Variants in RAPGEF5 observed in about 807,000 individuals in gnomAD.
The protein encoded by RAPGEF5 is Rap guanine nucleotide exchange factor 5.
In RAPGEF5, 65 loss-of-function variants were observed where a neutral mutation model predicts 125.2. That is an observed-to-expected ratio of 0.52 (90% CI 0.43 to 0.64). The LOEUF (loss-of-function observed/expected upper bound fraction) is 0.64, where lower values mean the gene tolerates loss of function less well. RAPGEF5 is among the 30% of genes least tolerant of loss of function. The probability of loss-of-function intolerance (pLI) is 0.00; values close to 1 mark genes in which losing one functional copy is unlikely to be tolerated. For synonymous variants in RAPGEF5, 391 were observed against 385.9 expected (o/e 1.01, Z -0.16); for missense variants, 958 against 1,048.1 (o/e 0.91, Z 1.19).
At chr7:22,169,645 A>G (rs1784280804) in intron 11 of RAPGEF5, among the ~76,000 whole-genome samples, 1 of 150,522 alleles carries the variant, frequency 6.6e-6, no homozygotes, top group Non-Finnish European at 1.5e-5. Flanking sequence ...GCTTGAGGCC[A>G]GGAGCTAGAG....
At chr7:22,128,025 G>A (rs2128098615) in intron 24 of RAPGEF5, among the ~76,000 whole-genome samples, 1 of 152,178 alleles carries the variant, frequency 6.6e-6, no homozygotes, top group South Asian at 2.1e-4. Flanking sequence ...ACTTTTCCCA[G>A]GTCAGTTTTC....
chr7:22,176,839 T>G (rs981709656), intron 11 of RAPGEF5, among the ~76,000 whole-genome samples: 2 of 152,120 alleles, frequency 1.3e-5, no homozygotes, highest in African/African-American at 4.8e-5. Context: ...CCAATTGAGG[T>G]TCTTTCGAAA....
chr7:22,330,475 A>C (rs980137180), intron 1 of RAPGEF5, among the ~76,000 whole-genome samples: 2 of 152,226 alleles, frequency 1.3e-5, no homozygotes, highest in Admixed American at 1.3e-4. Flanking sequence ...GAGATGAGGC[A>C]GCCCTTCCAT....
chr7:22,204,062 G>T (rs781048703), intron 9 of RAPGEF5, among the ~76,000 whole-genome samples: 3 of 152,136 alleles, frequency 2.0e-5, no homozygotes, highest in Admixed American at 6.5e-5. Flanking sequence ...TTTGTCCCGT[G>T]GGGTTTGAAT....
rs1323409172 is a variant in RAPGEF5 at position 22,315,423 on chromosome 7, GATA to G, written c.333_335del (p.Ile112del). 11 of 1,535,506 alleles carry G rather than the reference GATA, an allele frequency of 7.2e-6. No homozygotes were observed. In the Admixed American group the frequency reaches 1.9e-4, roughly 26 times the overall value. ...CCTTTATCAGGTCAGCTGCTTGAAC[GATA>G]ATAATATTCCTCAATGCTCTTCCTG... is the stretch of plus-strand genomic sequence containing the variant. On this transcript the variant is annotated inframe_deletion, in exon 3 of 26. Coordinates refer to ENST00000665637, the MANE Select transcript of RAPGEF5 (RefSeq NM_012294.5).
intron 7 of RAPGEF5, among the ~76,000 whole-genome samples, chr7:22,231,174 C>G (rs907118189): frequency 3.9e-5 from 6 of 152,164 alleles, no homozygotes; most frequent in African/African-American, 1.4e-4. Flanking sequence ...CTAAACCCAT[C>G]CTGACATCAC....
rs1784430297 is a variant in RAPGEF5, at chr7:22,356,820, G to A, written c.231+10C>T. ...GCCCGTGCCCACTCGGACAGGGCCG[G>A]GCCACTCACCCGGCCCCCAGCGGCG... is the stretch of plus-strand genomic sequence containing the variant. On this transcript the variant is annotated intron_variant, in intron 1 of 25. Transcript: ENST00000665637. The A allele has an allele frequency of 5.2e-6, 6 of 1,161,274 alleles. No homozygotes were observed. The highest frequency in any genetic ancestry group is 5.3e-6 in the Non-Finnish European group (5 of 942,204). 71.9% of individuals were successfully genotyped at this position (1,161,274 alleles called of 1,614,324 possible). A position where few individuals can be genotyped will look rare whatever the true frequency, so the allele number is the denominator to read the frequency against.
chr7:22,144,995 C>T, intron 20 of RAPGEF5, 49 bp downstream of exon 20: 4 of 1,560,130 alleles, frequency 2.6e-6, no homozygotes, highest in Non-Finnish European at 3.5e-6. Context: ...GAACAATGTA[C>T]TCTCTCAAGA....
intron 7 of RAPGEF5, among the ~76,000 whole-genome samples, chr7:22,235,559 T>C (rs1344612278): frequency 6.6e-6 from 1 of 152,218 alleles, no homozygotes; most frequent in African/African-American, 2.4e-5. Context: ...AGTAAAGTAT[T>C]TTTCACAAGT....
chr7:22,175,990 G>T (rs1245416952), intron 11 of RAPGEF5, among the ~76,000 whole-genome samples: 1 of 151,894 alleles, frequency 6.6e-6, no homozygotes, highest in East Asian at 1.9e-4. Context: ...TTCTCATGCT[G>T]CTAATAAAGA....
chr7:22,304,314 C>T (rs1783281687), intron 5 of RAPGEF5, among the ~76,000 whole-genome samples: 1 of 152,176 alleles, frequency 6.6e-6, no homozygotes, highest in Admixed American at 6.5e-5. Flanking sequence ...GAGTCAGTTA[C>T]TACTCCCAAA....
At chr7:22,293,821 G>A (rs889048225) in intron 5 of RAPGEF5, among the ~76,000 whole-genome samples, 2 of 151,982 alleles carry the variant, frequency 1.3e-5, no homozygotes, top group Non-Finnish European at 1.5e-5. Flanking sequence ...GGCAATACTC[G>A]GCCACTCTCC....
chr7:22,214,529 G>T (rs1785585984), intron 9 of RAPGEF5, among the ~76,000 whole-genome samples: 1 of 152,150 alleles, frequency 6.6e-6, no homozygotes, highest in South Asian at 2.1e-4. Context: ...GTTTTCTGGT[G>T]AATAGTGCAG....
At chr7:22,263,681 A>G (rs1007190554) in intron 7 of RAPGEF5, among the ~76,000 whole-genome samples, 2 of 151,842 alleles carry the variant, frequency 1.3e-5, no homozygotes, top group East Asian at 1.9e-4. Context: ...AGTGAGCCGA[A>G]ATTGCGCCAC....
chr7:22,299,351 T>C (rs1413543865), intron 5 of RAPGEF5, among the ~76,000 whole-genome samples: 1 of 152,166 alleles, frequency 6.6e-6, no homozygotes, highest in African/African-American at 2.4e-5. Context: ...CAAAGTATGA[T>C]GATTTCCAAA....
intron 19 of RAPGEF5, among the ~76,000 whole-genome samples, chr7:22,145,976 G>A (rs1202809861): frequency 1.3e-5 from 2 of 150,920 alleles, no homozygotes; most frequent in African/African-American, 4.9e-5. Context: ...GCGTGTGTGT[G>A]TGTGTGTGTG....
chr7:22,351,159 G>GT (rs977717270), intron 1 of RAPGEF5, among the ~76,000 whole-genome samples: 6 of 152,072 alleles, frequency 3.9e-5, no homozygotes, highest in Non-Finnish European at 5.9e-5. Flanking sequence ...TTGTTTGTTT[G>GT]TTTTTTGTAG....
chr7:22,158,073 G>A (rs1303197835), intron 14 of RAPGEF5, among the ~76,000 whole-genome samples, 188 bp from the exon 15 acceptor site: 1 of 152,182 alleles, frequency 6.6e-6, no homozygotes, highest in African/African-American at 2.4e-5. Context: ...AAATGAGCCA[G>A]GAAGTAAAGA....
At chr7:22,271,731 G>C (rs1251976323) in intron 6 of RAPGEF5, among the ~76,000 whole-genome samples, 1 of 152,184 alleles carries the variant, frequency 6.6e-6, no homozygotes, top group Non-Finnish European at 1.5e-5. Flanking sequence ...AGAAACTAGA[G>C]TCAGAAACAT....
Sources: gnomAD v4.1 joint callset for allele counts (sites outside exome capture counted in the v4.1 genomes callset) on GRCh38, gnomAD v4.1.1 for gene constraint, MANE v1.5 for transcripts, NCBI Gene and HGNC (gene_info 2026-07-23, HGNC 2026-07-21) for gene names.